The following FLT4 variants were observed in gnomAD, a reference collection of about 807,000 sequenced individuals.
FLT4 encodes the protein fms related receptor tyrosine kinase 4.
In FLT4, 30 loss-of-function variants were observed where a neutral mutation model predicts 163.2. The observed-to-expected ratio is 0.18, with a 90% CI of 0.14 to 0.25. The LOEUF is 0.25. FLT4 is among the 10% of genes least tolerant of loss of function. The pLI is 1.00. For synonymous variants in FLT4, 884 were observed against 789.5 expected, an observed-to-expected ratio of 1.12 and a Z score of -2.01; for missense variants, 1,510 against 1,863.8, an observed-to-expected ratio of 0.81 and a Z score of 3.50.
At chr5:180,632,556 A>G (rs1187531715) in intron 1 of FLT4, among the ~76,000 whole-genome samples, 1 of 152,012 alleles carries the variant, frequency 6.6e-6, no homozygotes, top group Non-Finnish European at 1.5e-5. Context: ...TCTGTCCTGC[A>G]GGACTCAGCC....
chr5:180,619,965 C>T (rs1476169555), intron 17 of FLT4, among the ~76,000 whole-genome samples, 196 bp from the exon 18 acceptor site: 1 of 152,162 alleles, frequency 6.6e-6, no homozygotes, highest in Admixed American at 6.5e-5. Context: ...ACAGATACAC[C>T]CTGCTCAGGG....
chr5:180,627,343 G>A (rs1199282660), intron 8 of FLT4, among the ~76,000 whole-genome samples: 1 of 152,202 alleles, frequency 6.6e-6, no homozygotes, highest in Non-Finnish European at 1.5e-5. Context: ...GAGTGAGGCA[G>A]GGCAGGGCAG....
chr5:180,621,364 G>C, intron 13 of FLT4, 112 bp from the exon 14 acceptor site: 1 of 1,437,616 alleles, frequency 7.0e-7, no homozygotes, highest in Non-Finnish European at 9.4e-7. Flanking sequence ...CTTAGGGGTT[G>C]TGCGCCGGGC....
chr5:180,640,675 G>A (rs307806), intron 1 of FLT4, among the ~76,000 whole-genome samples: 22,513 of 152,288 alleles, frequency 0.15, 1,808 homozygotes, highest in South Asian at 0.2. Flanking sequence ...GCCCAGCCCA[G>A]TGAGAGCTGC....
rs999813369 is a variant in FLT4, at chr5:180,601,549, CTT to C, written c.*1641_*1642del. The C allele has an allele frequency of 3.0e-5, 7 of 232,624 alleles. No homozygotes were observed. Among genetic ancestry groups the C allele is most frequent in the African/African-American group, 4.4e-5 (2 of 45,238 alleles). 14.4% of individuals were successfully genotyped at this position (232,624 alleles called of 1,614,324 possible). ...ACCGGCATCAGATTTATTATTATCT[CTT>C]GTTAAATATTTTCGATCTTTTCTCA... is the stretch of plus-strand genomic sequence containing the variant. On this transcript the variant is annotated 3_prime_UTR_variant, in exon 30 of 30. Transcript: ENST00000261937.
Position 180,629,430 on chromosome 5 carries a change from G to A in FLT4, c.817-3C>T, listed in dbSNP as rs768276596. On this transcript the variant is annotated splice_region_variant and splice_polypyrimidine_tract_variant and intron_variant, in intron 6 of 29. Transcript: ENST00000261937. The stretch of plus-strand genomic sequence containing the variant: ...GGCACCCACTTACCCCGCTCTGCCT[G>A]CCCGCACCCAGGGAAGCCCCGCGTC... The A allele has an allele frequency of 6.2e-7, 1 of 1,610,642 alleles. No individual in the cohort carries two copies. The highest frequency in any genetic ancestry group is 8.5e-7 in the Non-Finnish European group (1 of 1,179,936).
In FLT4 at chr5:180,626,380, G is replaced by A. The variant is rs1388299469; in HGVS notation, c.1104-115C>T. 3.0e-5 allele frequency: 35 copies of A among 1,147,796 alleles called. 1 individual carries two copies. The highest frequency in any genetic ancestry group is 1.1e-4 in the Admixed American group (6 of 56,626). The allele number at this position is 1,147,796 out of a possible 1,614,324, so 71.1% of individuals were successfully genotyped here. A position where few individuals can be genotyped will look rare whatever the true frequency, so the allele number is the denominator to read the frequency against. On this transcript the variant is annotated intron_variant, in intron 8 of 29. Transcript: ENST00000261937. ...GAGGGAGGGGCTGGCAGGAGTGCAG[G>A]GTAGGACGGGGAACACTGGTCTGCG...
At chr5:180,611,546 C>G (rs2127792095) in intron 26 of FLT4, 67 bp from the exon 27 acceptor site, 2 of 1,520,784 alleles carry the variant, frequency 1.3e-6, no homozygotes, top group Non-Finnish European at 1.8e-6. Context: ...CTCGCCCCCA[C>G]CCTCAGCCCT....
rs70973949 is a variant in FLT4, at chr5:180,619,426, C to CTGGCCGCTTAGCTAAGGCACAG, written c.2648-61_2648-60insCTGTGCCTTAGCTAAGCGGCCA. ...CCTGGCAGGTCCCCGTTCCCCGCCA[C>CTGGCCGCTTAGCTAAGGCACAG]CCGGCGCTTTTGGGAGGGGGAGGGT... is the stretch of plus-strand genomic sequence containing the variant. On this transcript the variant is annotated intron_variant, in intron 18 of 29. Transcript: ENST00000261937. 0.7 allele frequency: 968,896 copies of CTGGCCGCTTAGCTAAGGCACAG among 1,385,508 alleles called. 343,230 individuals carry two copies. The highest frequency in any genetic ancestry group is 0.77 in the Admixed American group (44,958 of 58,294). 85.8% of individuals were successfully genotyped at this position (1,385,508 alleles called of 1,614,324 possible).
In FLT4 at chr5:180,619,235, G is replaced by A. The variant is rs745384892; in HGVS notation, c.2761+18C>T. The A allele has an allele frequency of 2.5e-5, 39 of 1,574,854 alleles. No homozygotes were observed. Among genetic ancestry groups the A allele is most frequent in the Non-Finnish European group, 3.2e-5 (37 of 1,160,014 alleles). On this transcript the variant is annotated intron_variant, in intron 19 of 29. Transcript: ENST00000261937. ...GCGCCCGGGGTCTCGCCGTCCCAGCGGGCCGCCCGCTCCGTACCCTGCGGC... is the reference window on the plus strand; with the variant it reads ...GCGCCCGGGGTCTCGCCGTCCCAGCAGGCCGCCCGCTCCGTACCCTGCGGC...
Position 180,630,846 on chromosome 5 carries a change from G to T in FLT4, c.156-47C>A, listed in dbSNP as rs1396047126. 6.4e-7 allele frequency: 1 copy of T among 1,561,604 alleles called. No individual in the cohort carries two copies. The highest frequency in any genetic ancestry group is 2.3e-5 in the East Asian group (1 of 43,674). ...CAGGTGGGCCCCAGGGCAGCCCATGGGGACTGTCCCTGAGAAGCCTCCCTC... is the reference window on the plus strand; with the variant it reads ...CAGGTGGGCCCCAGGGCAGCCCATGTGGACTGTCCCTGAGAAGCCTCCCTC... On this transcript the variant is annotated intron_variant, in intron 2 of 29. Coordinates refer to ENST00000261937, the MANE Select transcript of FLT4 (RefSeq NM_182925.5). The surrounding 1 kb of genome is among the most constrained non-coding windows in gnomAD (Gnocchi z 6.3).
At chr5:180,628,835 G>T in intron 8 of FLT4, 47 bp downstream of exon 8, 1 of 1,345,652 alleles carries the variant, frequency 7.4e-7, no homozygotes. Context: ...TTTGCCCCTG[G>T]ACTTGGAAGG....
chr5:180,630,393 G>C lies in FLT4; in HGVS notation c.401-56C>G, dbSNP rs986412212. 1 of 1,558,852 alleles carries C rather than the reference G, an allele frequency of 6.4e-7. No individual in the cohort carries two copies. The highest frequency in any genetic ancestry group is 8.8e-7 in the Non-Finnish European group (1 of 1,142,646). ...GGACGTGGCGGCCAGGCTGGGGGAG[G>C]GCTCCACGGGGCTGGGTGGTGCTGG... On this transcript the variant is annotated intron_variant, in intron 3 of 29. Transcript: ENST00000261937. The surrounding 1 kb of genome is among the most constrained non-coding windows in gnomAD (Gnocchi z 6.3).
chr5:180,630,509 AG>A lies in FLT4; in HGVS notation c.400+45del. 1 of 1,610,178 alleles carries A rather than the reference AG, an allele frequency of 6.2e-7. No homozygotes were observed. The highest frequency in any genetic ancestry group is 8.5e-7 in the Non-Finnish European group (1 of 1,179,212). On this transcript the variant is annotated intron_variant, in intron 3 of 29. Coordinates refer to ENST00000261937, the MANE Select transcript of FLT4 (RefSeq NM_182925.5). The surrounding 1 kb of genome is among the most constrained non-coding windows in gnomAD (Gnocchi z 6.3). ...ACAGGCTGGGGGCGGTGTGGGCCCC[AG>A]CTGCCCGGGACCCTGCTCCAGCCTG...
chr5:180,613,945 G>T, intron 24 of FLT4, 123 bp downstream of exon 24: 1 of 765,046 alleles, frequency 1.3e-6, no homozygotes, highest in Non-Finnish European at 2.3e-6. Flanking sequence ...CAAACCACCT[G>T]CTTCAGAACG....
rs1445128574 is a variant in FLT4 at position 180,608,020 on chromosome 5, C to G, written c.3893+948G>C. On this transcript the variant is annotated intron_variant, in intron 29 of 29. Coordinates refer to ENST00000261937, the MANE Select transcript of FLT4 (RefSeq NM_182925.5). ...TTCCTTGGAGGAGTCAGGGAACACT[C>G]TGCTCCACCAGCTTCTTGTGGGAGG... 3 of 691,532 alleles carry G rather than the reference C, an allele frequency of 4.3e-6. No individual in the cohort carries two copies. In the East Asian group the frequency reaches 8.1e-5, roughly 19 times the overall value. 42.8% of individuals were successfully genotyped at this position (691,532 alleles called of 1,614,324 possible).
Position 180,636,985 on chromosome 5 carries a change from T to A in FLT4, c.59-5207A>T, listed in dbSNP as rs1380620288. Among the ~76,000 whole-genome samples, 1 of 151,666 alleles carries A rather than the reference T, an allele frequency of 6.6e-6. No homozygotes were observed. Among genetic ancestry groups the A allele is most frequent in the African/African-American group, 2.4e-5 (1 of 41,242 alleles). ...CCCCCACAGGAGCTCCTCCCCCCCA[T>A]TTTCCTGGGTGCACACAGTTCAGGG... is the stretch of plus-strand genomic sequence containing the variant. On this transcript the variant is annotated intron_variant, in intron 1 of 29. Coordinates refer to ENST00000261937, the MANE Select transcript of FLT4 (RefSeq NM_182925.5). This position sits in a 1 kb window ranked among gnomAD's most constrained non-coding sequence, Gnocchi z 4.3.
At chr5:180,640,242 G>C (rs1765004771) in intron 1 of FLT4, among the ~76,000 whole-genome samples, 2 of 152,318 alleles carry the variant, frequency 1.3e-5, no homozygotes, top group South Asian at 4.1e-4. Flanking sequence ...TGCCTCATTT[G>C]ATCCTCACAG....
intron 29 of FLT4, among the ~76,000 whole-genome samples, chr5:180,604,799 C>T (rs1241904959): frequency 6.6e-6 from 1 of 152,160 alleles, no homozygotes; most frequent in African/African-American, 2.4e-5. Context: ...TCTGGGACTC[C>T]CAATTTTATA....
Sources: gnomAD v4.1 joint callset for allele counts (sites outside exome capture counted in the v4.1 genomes callset) on GRCh38, gnomAD v4.1.1 for gene constraint, Gnocchi (gnomAD v3.1) non-coding constraint, MANE v1.5 for transcripts, NCBI Gene and HGNC (gene_info 2026-07-23, HGNC 2026-07-21) for gene names.